The following ENOX2 variants were observed in gnomAD, a reference collection of about 807,000 sequenced individuals.
ENOX2 encodes APK1 antigen.
ENOX2 carries 36 observed loss-of-function variants against 45.0 expected under a neutral mutation model. That is an observed-to-expected ratio of 0.80 (90% CI 0.61 to 1.06). The LOEUF (loss-of-function observed/expected upper bound fraction) is 1.06, where lower values mean the gene tolerates loss of function less well. ENOX2 is among the 50% of genes least tolerant of loss of function. The pLI is 0.00. For synonymous variants in ENOX2, 174 were observed against 152.3 expected (o/e 1.14, Z -1.05); for missense variants, 423 against 462.5 (o/e 0.91, Z 0.78).
rs775776305 is a variant in ENOX2, at chrX:130,711,295, A to G, written c.-38-8041T>C. 4.5e-5 allele frequency among the ~76,000 whole-genome samples: 5 copies of G among 111,869 alleles called. No individual in the cohort carries two copies. In the South Asian group the frequency reaches 1.9e-3, roughly 42 times the overall value. On this transcript the variant is annotated intron_variant, in intron 3 of 14. Coordinates refer to ENST00000394363, the MANE Select transcript of ENOX2 (RefSeq NM_006375.4). ...CATATTCCTTGAAAATTAACAATCTATCATTGTTTGTGAACAATGCACTGA... is the reference window on the plus strand; with the variant it reads ...CATATTCCTTGAAAATTAACAATCTGTCATTGTTTGTGAACAATGCACTGA...
chrX:130,740,744 G>C (rs2038964030), intron 3 of ENOX2, among the ~76,000 whole-genome samples: 1 of 111,996 alleles, frequency 8.9e-6, no homozygotes. Flanking sequence ...TTCACTCTAA[G>C]TGCTCAAAGG....
At chrX:130,762,398 G>C (rs902611246) in intron 3 of ENOX2, among the ~76,000 whole-genome samples, 5 of 111,771 alleles carry the variant, frequency 4.5e-5, no homozygotes, top group African/African-American at 1.6e-4. Flanking sequence ...AGGTAACATA[G>C]CAAGACCCTG....
At chrX:130,632,371 G>GGGA (rs1556405794) in intron 12 of ENOX2, among the ~76,000 whole-genome samples, 1 of 48,030 alleles carries the variant, frequency 2.1e-5, no homozygotes, top group East Asian at 8.2e-4. Context: ...GGGCGGGGGG[G>GGGA]GGGGGTGGTC....
In ENOX2 at chrX:130,664,876, T is replaced by A. The variant is rs2036790203; in HGVS notation, c.1014+767A>T. 2.7e-5 allele frequency among the ~76,000 whole-genome samples: 3 copies of A among 112,681 alleles called. No homozygotes were observed. In the Admixed American group the frequency reaches 2.8e-4, roughly 11 times the overall value. On this transcript the variant is annotated intron_variant, in intron 9 of 14. Coordinates refer to ENST00000394363, the MANE Select transcript of ENOX2 (RefSeq NM_006375.4). ...ACATGGATAGATATAATGGGACTGC[T>A]ACCAGGCTGGCAAAGAGGACCAGAA...
chrX:130,713,408 G>A (rs1457444456), intron 3 of ENOX2, among the ~76,000 whole-genome samples: 1 of 111,561 alleles, frequency 9.0e-6, no homozygotes, highest in Non-Finnish European at 1.9e-5. Flanking sequence ...AGAAGAATAG[G>A]TTAAGGTTGG....
chrX:130,863,055 T>C lies in ENOX2; in HGVS notation c.-183+38629A>G, dbSNP rs193276956. ...CCATTACCTCTAAGCCAAGATACCA[T>C]GAAAACTCACCCACACCACAAACAC... On this transcript the variant is annotated intron_variant, in intron 2 of 14. Coordinates refer to ENST00000394363, the MANE Select transcript of ENOX2 (RefSeq NM_006375.4). Among the ~76,000 whole-genome samples, 498 of 112,046 alleles carry C rather than the reference T, an allele frequency of 4.4e-3. 2 individuals are homozygous for C. The highest frequency in any genetic ancestry group is 0.015 in the African/African-American group (473 of 30,871).
At chrX:130,802,682 G>C (rs1283197781) in intron 2 of ENOX2, among the ~76,000 whole-genome samples, 2 of 111,816 alleles carry the variant, frequency 1.8e-5, no homozygotes, top group Non-Finnish European at 3.8e-5. Flanking sequence ...TTCTCTATTA[G>C]GGGTCCTAGT....
At chrX:130,650,472 C>T (rs1312923658) in intron 10 of ENOX2, among the ~76,000 whole-genome samples, 1 of 112,156 alleles carries the variant, frequency 8.9e-6, no homozygotes, top group African/African-American at 3.2e-5. Flanking sequence ...TTAATGAGGA[C>T]ACCAAGTCTT....
intron 12 of ENOX2, 55 bp downstream of exon 12, chrX:130,634,929 T>C (rs1231023696): frequency 3.2e-6 from 2 of 626,226 alleles, no homozygotes; most frequent in African/African-American, 2.3e-5. Flanking sequence ...ATTTTCACTG[T>C]CACTGAAAAG....
chrX:130,735,878 T>C (rs1048485003), intron 3 of ENOX2, among the ~76,000 whole-genome samples: 5 of 111,665 alleles, frequency 4.5e-5, no homozygotes, highest in South Asian at 7.5e-4. Context: ...CAGAATAGTA[T>C]GTACAATATG....
intron 7 of ENOX2, among the ~76,000 whole-genome samples, chrX:130,668,062 T>A (rs1201657958): frequency 9.3e-6 from 1 of 107,912 alleles, no homozygotes; most frequent in African/African-American, 3.4e-5. Context: ...TCTGATTGTG[T>A]GTGTGTGTGT....
intron 2 of ENOX2, among the ~76,000 whole-genome samples, chrX:130,809,115 C>T (rs1317848427): frequency 8.9e-6 from 1 of 112,322 alleles, no homozygotes; most frequent in Non-Finnish European, 1.9e-5. Flanking sequence ...CAACAAATGA[C>T]AATGTTCATG....
intron 3 of ENOX2, among the ~76,000 whole-genome samples, chrX:130,713,796 CAT>C (rs1175529640): frequency 7.2e-5 from 8 of 111,454 alleles, no homozygotes; most frequent in Non-Finnish European, 1.3e-4. Context: ...CCTGTTAAGT[CAT>C]ATAATTCTTT....
At chrX:130,741,663 G>A (rs1050465445) in intron 3 of ENOX2, among the ~76,000 whole-genome samples, 4 of 111,638 alleles carry the variant, frequency 3.6e-5, no homozygotes, top group African/African-American at 1.3e-4. Context: ...CCAGGAAAGA[G>A]CAACTGTTAC....
At chrX:130,779,633 G>A (rs939970531) in intron 3 of ENOX2, among the ~76,000 whole-genome samples, 2 of 111,359 alleles carry the variant, frequency 1.8e-5, no homozygotes, top group Admixed American at 9.6e-5. Context: ...GCAGAGTTTC[G>A]TGCAAAGCTC....
At chrX:130,726,443 T>G (rs1377088667) in intron 3 of ENOX2, among the ~76,000 whole-genome samples, 1 of 112,472 alleles carries the variant, frequency 8.9e-6, no homozygotes, top group African/African-American at 3.2e-5. Flanking sequence ...TCACGCATAC[T>G]GCTGCTTCCT....
In ENOX2 at chrX:130,714,384, C is replaced by T. The variant is rs5977356; in HGVS notation, c.-38-11130G>A. Among the ~76,000 whole-genome samples, 728 of 111,795 alleles carry T rather than the reference C, an allele frequency of 6.5e-3. 9 individuals are homozygous for T. The highest frequency in any genetic ancestry group is 0.022 in the African/African-American group (687 of 30,814). ...ATGTGCATCAGAATCACCTTGGGTGCTTGCTAAATAGGCCAATTTCCAGGG... is the reference window on the plus strand; with the variant it reads ...ATGTGCATCAGAATCACCTTGGGTGTTTGCTAAATAGGCCAATTTCCAGGG... On this transcript the variant is annotated intron_variant, in intron 3 of 14. Transcript: ENST00000394363.
chrX:130,799,452 G>GT (rs1461153063), intron 2 of ENOX2, among the ~76,000 whole-genome samples: 1 of 111,432 alleles, frequency 9.0e-6, no homozygotes, highest in Non-Finnish European at 1.9e-5. Flanking sequence ...TTGTAATCAT[G>GT]TGAGTCCATA....
Position 130,672,064 on chromosome X carries a change from T to C in ENOX2, c.461-1866A>G, listed in dbSNP as rs1470092730. On this transcript the variant is annotated intron_variant, in intron 6 of 14. Transcript: ENST00000394363. ...ACAAAAACAATGATGAAAATTTGAT[T>C]TCACATGCTCAAGAAGCTAGAGAAA... 4.5e-5 allele frequency among the ~76,000 whole-genome samples: 5 copies of C among 111,187 alleles called. No individual in the cohort carries two copies. The East Asian group carries it at 1.4e-3, about 31-fold the overall frequency.
Sources: allele counts gnomAD v4.1 joint callset (sites outside exome capture counted in the v4.1 genomes callset), GRCh38; gene constraint gnomAD v4.1.1; transcripts MANE v1.5; gene names NCBI Gene and HGNC (gene_info 2026-07-23, HGNC 2026-07-21).